PNPT1: variants seen among roughly 807,000 people sequenced by gnomAD.
The protein encoded by PNPT1 is polyribonucleotide nucleotidyltransferase 1.
PNPT1 carries 53 observed loss-of-function variants against 119.5 expected under a neutral mutation model. That is an observed-to-expected ratio of 0.44 (90% confidence interval 0.36 to 0.56). PNPT1 has a LOEUF of 0.56. Ranked by LOEUF, PNPT1 falls within the 20% of genes least tolerant of loss-of-function variation. The probability of loss-of-function intolerance (pLI) is 0.00; values close to 1 mark genes in which losing one functional copy is unlikely to be tolerated. For synonymous variants in PNPT1, 357 were observed against 322.1 expected, an observed-to-expected ratio of 1.11 and a Z score of -1.16; for missense variants, 948 against 938.5, an observed-to-expected ratio of 1.01 and a Z score of -0.13.
intron 5 of PNPT1, among the ~76,000 whole-genome samples, chr2:55,682,502 C>G (rs1322030591): frequency 6.6e-6 from 1 of 152,006 alleles, no homozygotes; most frequent in Non-Finnish European, 1.5e-5. Context: ...ATGAAACAAA[C>G]TTTATACTGC....
At chr2:55,671,413 T>A in intron 10 of PNPT1, 37 bp from the exon 11 acceptor site, 3 of 1,227,662 alleles carry the variant, frequency 2.4e-6, no homozygotes, top group African/African-American at 1.6e-5. Flanking sequence ...TACATATACA[T>A]GACAACATTT....
intron 14 of PNPT1, among the ~76,000 whole-genome samples, chr2:55,660,543 T>C (rs1696531574): frequency 1.3e-5 from 2 of 152,200 alleles, no homozygotes; most frequent in African/African-American, 4.8e-5. Flanking sequence ...AGAGCTACAA[T>C]GCTTCTCCCA....
At chr2:55,662,351 G>A (rs550806642) in intron 13 of PNPT1, among the ~76,000 whole-genome samples, 3 of 152,172 alleles carry the variant, frequency 2.0e-5, no homozygotes, top group South Asian at 4.1e-4. Context: ...CCTTAATACA[G>A]GTTCAGCCAA....
At chr2:55,659,867 C>A (rs112344663) in intron 15 of PNPT1, among the ~76,000 whole-genome samples, 1 of 152,134 alleles carries the variant, frequency 6.6e-6, no homozygotes, top group Non-Finnish European at 1.5e-5. Context: ...GTTCTTTCAA[C>A]TTTACTGTAT....
intron 19 of PNPT1, among the ~76,000 whole-genome samples, chr2:55,646,884 G>A (rs1696020539): frequency 6.6e-6 from 1 of 152,090 alleles, no homozygotes; most frequent in Non-Finnish European, 1.5e-5. Context: ...TGTTGCCCAG[G>A]ATGGAGTGCA....
intron 15 of PNPT1, among the ~76,000 whole-genome samples, chr2:55,659,075 C>T (rs1286878302): frequency 1.3e-5 from 2 of 152,170 alleles, no homozygotes; most frequent in African/African-American, 4.8e-5. Context: ...CCATCTCAGC[C>T]TCCCGAGTAG....
Position 55,646,348 on chromosome 2 carries a change from T to C in PNPT1, c.1675-26A>G, listed in dbSNP as rs776658015. On this transcript the variant is annotated intron_variant, in intron 20 of 27. Transcript: ENST00000447944. Reference sequence around the variant, plus strand: ...CTAATATGGAAAAGTCAAACAATTATATAAATATTGACTCATGGCATTATT... The same window carrying C: ...CTAATATGGAAAAGTCAAACAATTACATAAATATTGACTCATGGCATTATT... 8.7e-6 allele frequency: 14 copies of C among 1,603,668 alleles called. No homozygotes were observed. The South Asian group carries it at 1.4e-4, about 17-fold the overall frequency.
rs1695651925 is a variant in PNPT1 at position 55,635,752 on chromosome 2, TG to T, written c.*484del. 1 of 152,382 alleles carries T rather than the reference TG, an allele frequency of 6.6e-6. No homozygotes were observed. The highest frequency in any genetic ancestry group is 1.5e-5 in the Non-Finnish European group (1 of 68,194). 9.4% of individuals were successfully genotyped at this position (152,382 alleles called of 1,614,324 possible). A position where few individuals can be genotyped will look rare whatever the true frequency, so the allele number is the denominator to read the frequency against. On this transcript the variant is annotated 3_prime_UTR_variant, in exon 28 of 28. Transcript: ENST00000447944. The stretch of plus-strand genomic sequence containing the variant: ...AACTCACTATATCTGTTAACAGTTC[TG>T]AAGAAATAGGCACTGGCTTTGAATA...
intron 13 of PNPT1, among the ~76,000 whole-genome samples, chr2:55,663,615 T>C (rs979267231): frequency 2.0e-5 from 3 of 151,976 alleles, no homozygotes; most frequent in Non-Finnish European, 2.9e-5. Flanking sequence ...AGCACCCACA[T>C]GAAAAAAATA....
intron 25 of PNPT1, among the ~76,000 whole-genome samples, chr2:55,641,354 C>T (rs1036059221): frequency 8.7e-5 from 13 of 149,632 alleles, no homozygotes; most frequent in African/African-American, 2.7e-4. Flanking sequence ...CTGCAACCTC[C>T]GCCTCCCAGG....
At chr2:55,650,582 G>A (rs1300620828) in intron 18 of PNPT1, among the ~76,000 whole-genome samples, 6 of 151,920 alleles carry the variant, frequency 3.9e-5, no homozygotes, top group East Asian at 1.9e-4. Context: ...AGGAAGTGAG[G>A]AGCGCCTCTT....
chr2:55,661,330 A>T (rs1572813825), intron 14 of PNPT1, among the ~76,000 whole-genome samples: 1 of 152,058 alleles, frequency 6.6e-6, no homozygotes. Context: ...TGACTTCAGG[A>T]TCCACCCACC....
chr2:55,662,403 G>A (rs539761713), intron 13 of PNPT1, among the ~76,000 whole-genome samples: 23 of 152,240 alleles, frequency 1.5e-4, no homozygotes, highest in South Asian at 6.2e-4. Context: ...CAGGCCAGGC[G>A]TGGTGGCCCA....
Position 55,679,621 on chromosome 2 carries a change from T to C in PNPT1, c.679+61A>G, listed in dbSNP as rs1697183728. 3 of 1,250,740 alleles carry C rather than the reference T, an allele frequency of 2.4e-6. 1 individual carries two copies. The South Asian group carries it at 3.8e-5, about 16-fold the overall frequency. 77.5% of individuals were successfully genotyped at this position (1,250,740 alleles called of 1,614,324 possible). A position where few individuals can be genotyped will look rare whatever the true frequency, so the allele number is the denominator to read the frequency against. The stretch of plus-strand genomic sequence containing the variant: ...ACATACACACAGAGTTTAAATTCAG[T>C]TTAAGAAGCCAGAACTTGTAAGTAA... On this transcript the variant is annotated intron_variant, in intron 8 of 27. Coordinates refer to ENST00000447944, the MANE Select transcript of PNPT1 (RefSeq NM_033109.5).
intron 13 of PNPT1, 129 bp downstream of exon 13, chr2:55,666,862 C>G: frequency 5.2e-6 from 3 of 581,982 alleles, no homozygotes; most frequent in Non-Finnish European, 8.4e-6. Flanking sequence ...ACAAGAACCG[C>G]CAGATATTAA....
At chr2:55,680,390 T>C (rs913587247) in intron 7 of PNPT1, among the ~76,000 whole-genome samples, 1 of 146,670 alleles carries the variant, frequency 6.8e-6, no homozygotes, top group African/African-American at 2.5e-5. Flanking sequence ...ATTAATTTCA[T>C]CCTGAAGGAG....
intron 8 of PNPT1, 81 bp downstream of exon 8, chr2:55,679,601 C>G: frequency 9.8e-7 from 1 of 1,015,898 alleles, no homozygotes; most frequent in Non-Finnish European, 1.5e-6. Context: ...ACAAAACATA[C>G]ACACAGAGTT....
intron 2 of PNPT1, among the ~76,000 whole-genome samples, chr2:55,686,709 T>C (rs1367731939): frequency 2.0e-5 from 3 of 152,234 alleles, no homozygotes; most frequent in African/African-American, 7.2e-5. Flanking sequence ...CTTATGTGGC[T>C]ATACATAAGG....
chr2:55,637,872 C>T (rs11676033), intron 26 of PNPT1, among the ~76,000 whole-genome samples: 3 of 151,640 alleles, frequency 2.0e-5, no homozygotes, highest in African/African-American at 4.8e-5. Context: ...TGGTGGCGGG[C>T]GCCTGTAGTC....
Sources: allele counts gnomAD v4.1 joint callset (sites outside exome capture counted in the v4.1 genomes callset), GRCh38; gene constraint gnomAD v4.1.1; transcripts MANE v1.5; gene names NCBI Gene and HGNC (gene_info 2026-07-23, HGNC 2026-07-21).